Variants in BLOC1S1 observed in about 807,000 individuals in gnomAD.
BLOC1S1 encodes biogenesis of lysosome-related organelles complex 1 subunit 1.
BLOC1S1 carries 11 observed loss-of-function variants against 19.0 expected under a neutral mutation model. That is an observed-to-expected ratio of 0.58 (90% CI 0.37 to 0.96). BLOC1S1 has a LOEUF of 0.96. Ranked by LOEUF, BLOC1S1 falls within the 40% of genes least tolerant of loss-of-function variation. BLOC1S1 has a pLI of 0.01. For synonymous variants in BLOC1S1, 94 were observed against 76.4 expected, an observed-to-expected ratio of 1.23 and a Z score of -1.20; for missense variants, 220 against 195.9, an observed-to-expected ratio of 1.12 and a Z score of -0.73.
At chr12:55,718,853 T>C (rs1396536852) in intron 2 of BLOC1S1, among the ~76,000 whole-genome samples, 1 of 152,086 alleles carries the variant, frequency 6.6e-6, no homozygotes, top group Middle Eastern at 3.2e-3. Flanking sequence ...CTTTTTGGGG[T>C]TTGGAGCTGG....
Position 55,716,127 on chromosome 12 carries a change from G to T in BLOC1S1, c.76G>T (p.Asp26Tyr), listed in dbSNP as rs777462750. The T allele has an allele frequency of 2.5e-6, 4 of 1,610,426 alleles. No individual in the cohort carries two copies. Among genetic ancestry groups the T allele is most frequent in the Non-Finnish European group, 3.4e-6 (4 of 1,178,292 alleles). The part of the protein sequence containing the change: ...RGPGVPSPQP[D>Y]VTMLSRLLKE... ...GCCCGGCGTACCCAGCCCCCAGCCC[G>T]ACGTGACCATGCTGTCCCGCCTCCT... The change falls in exon 1 of 4, where the codon GAC becomes TAC. Residue 26 changes from aspartate to tyrosine, a missense_variant. Physicochemically the swap from Asp to Tyr is radical, Grantham distance 160. Coordinates refer to ENST00000548925, the MANE Select transcript of BLOC1S1 (RefSeq NM_001487.4).
At position 55,716,918 on chromosome 12, in the gene BLOC1S1, TC is replaced by T. The variant is rs748755690; in HGVS notation, c.146-10del. On this transcript the variant is annotated splice_polypyrimidine_tract_variant and intron_variant, in intron 1 of 3. Coordinates refer to ENST00000548925, the MANE Select transcript of BLOC1S1 (RefSeq NM_001487.4). ...ACCAAGTCTCCCCTCCAATTCCTTT[TC>T]CCCCTCTCCCCAGAAAAGAGGAGGC... 7 of 1,577,744 alleles carry T rather than the reference TC, an allele frequency of 4.4e-6. No homozygotes were observed. Among genetic ancestry groups the T allele is most frequent in the Non-Finnish European group, 3.4e-6 (4 of 1,165,742 alleles).
intron 1 of BLOC1S1, 194 bp from the exon 2 acceptor site, chr12:55,716,739 G>GTGGTCGCC: frequency 7.8e-7 from 1 of 1,284,414 alleles, no homozygotes; most frequent in South Asian, 2.0e-5. Flanking sequence ...TCCCTCCCAG[G>GTGGTCGCC]GTACCAGTTT....
intron 2 of BLOC1S1, 84 bp from the exon 3 acceptor site, chr12:55,719,007 C>T: frequency 2.0e-6 from 3 of 1,509,538 alleles, no homozygotes; most frequent in Non-Finnish European, 1.8e-6. Context: ...CTTGGCTGAA[C>T]TCCCACTGCT....
chr12:55,719,550 A>G lies in BLOC1S1; in HGVS notation c.403A>G (p.Thr135Ala). 2 of 1,614,026 alleles carry G rather than the reference A, an allele frequency of 1.2e-6. No individual in the cohort carries two copies. The highest frequency in any genetic ancestry group is 1.7e-6 in the Non-Finnish European group (2 of 1,180,002). The change falls in exon 4 of 4, where the codon ACC (threonine) becomes GCC (alanine). Residue 135 changes from threonine (T) to alanine (A), a missense_variant. Physicochemically the swap from Thr to Ala is moderately conservative, Grantham distance 58 (BLOSUM62 0). Transcript: ENST00000548925. ...TCGGAGCATCGAGCTGGACATGCGC[A>G]CCATTGCCACTGCACTGGAATATGT... Reference protein sequence around the residue: ...WARSIELDMRTIATALEYVYK... With the variant: ...WARSIELDMRAIATALEYVYK...
intron 1 of BLOC1S1, chr12:55,716,475 T>C: frequency 1.6e-6 from 2 of 1,269,010 alleles, no homozygotes; most frequent in Non-Finnish European, 2.0e-6. Flanking sequence ...CCCTGCCTAT[T>C]GGCCCTGGGA....
Position 55,719,530 on chromosome 12 carries a change from G to C in BLOC1S1, c.383G>C (p.Ser128Thr). Residue 128 changes from serine (S) to threonine (T), a missense_variant, in exon 4 of 4, where the codon AGC (serine) becomes ACC (threonine). Ser to Thr is a moderately conservative substitution (Grantham distance 58). Transcript: ENST00000548925. ...GGGGATGTGGAGAACTGGGCTCGGA[G>C]CATCGAGCTGGACATGCGCACCATT... is the stretch of plus-strand genomic sequence containing the variant. ...EIGDVENWAR[S>T]IELDMRTIAT... is the part of the protein sequence containing the mutation. 6.2e-7 allele frequency: 1 copy of C among 1,614,184 alleles called. No homozygotes were observed. The highest frequency in any genetic ancestry group is 8.5e-7 in the Non-Finnish European group (1 of 1,180,038).
intron 1 of BLOC1S1, chr12:55,716,557 C>T: frequency 4.1e-6 from 5 of 1,208,214 alleles, no homozygotes; most frequent in Non-Finnish European, 5.2e-6. Context: ...CAGAGATGGG[C>T]TTCTTGGAGG....
intron 1 of BLOC1S1, chr12:55,716,544 C>A: frequency 8.2e-7 from 1 of 1,220,914 alleles, no homozygotes; most frequent in Non-Finnish European, 1.0e-6. Context: ...GTGGGGAACC[C>A]CCCAGAGATG....
Position 55,717,014 on chromosome 12 carries a change from C to G in BLOC1S1, c.218+9C>G, listed in dbSNP as rs1470898259. On this transcript the variant is annotated intron_variant, in intron 2 of 3. Transcript: ENST00000548925. Reference sequence around the variant, plus strand: ...GATCACCTCAATGTGGGGTATGGACCTCTTATCAACATCAGTTTCCTCCTT... The same window carrying G: ...GATCACCTCAATGTGGGGTATGGACGTCTTATCAACATCAGTTTCCTCCTT... 6.4e-7 allele frequency: 1 copy of G among 1,568,314 alleles called. No individual in the cohort carries two copies. The highest frequency in any genetic ancestry group is 8.6e-7 in the Non-Finnish European group (1 of 1,160,532).
intron 1 of BLOC1S1, chr12:55,716,414 GC>G: frequency 1.4e-6 from 2 of 1,381,464 alleles, no homozygotes; most frequent in South Asian, 1.6e-5. Context: ...CCTCGGCAAC[GC>G]CCCCAATCCC....
chr12:55,719,527 G>A lies in BLOC1S1; in HGVS notation c.380G>A (p.Arg127Gln), dbSNP rs201381183. 20 of 1,614,156 alleles carry A rather than the reference G, an allele frequency of 1.2e-5. No individual in the cohort carries two copies. Among genetic ancestry groups the A allele is most frequent in the East Asian group, 8.9e-5 (4 of 44,874 alleles). Residue 127 changes from arginine (R) to glutamine (Q), a missense_variant, in exon 4 of 4, where the codon CGG (arginine) becomes CAG (glutamine). Coordinates refer to ENST00000548925, the MANE Select transcript of BLOC1S1 (RefSeq NM_001487.4). ...ATTGGGGATGTGGAGAACTGGGCTC[G>A]GAGCATCGAGCTGGACATGCGCACC... ...KEIGDVENWA[R>Q]SIELDMRTIA...
intron 1 of BLOC1S1, 144 bp downstream of exon 1, chr12:55,716,340 G>C: frequency 6.8e-7 from 1 of 1,476,468 alleles, no homozygotes; most frequent in African/African-American, 1.4e-5. Flanking sequence ...ATTTCAGAGA[G>C]GCTTTTTTTG....
Position 55,716,173 on chromosome 12 carries a change from A to C in BLOC1S1, c.122A>C (p.Gln41Pro), listed in dbSNP as rs767243561. The C allele has an allele frequency of 6.2e-7, 1 of 1,612,086 alleles. No individual in the cohort carries two copies. The highest frequency in any genetic ancestry group is 1.3e-5 in the African/African-American group (1 of 74,844). The change falls in exon 1 of 4, where the codon CAG (glutamine) becomes CCG (proline). Residue 41 changes from glutamine (Q) to proline (P), a missense_variant. Gln to Pro is a moderately conservative substitution (Grantham distance 76). Coordinates refer to ENST00000548925, the MANE Select transcript of BLOC1S1 (RefSeq NM_001487.4). Reference sequence around the variant, plus strand: ...CTCCTAAAAGAACACCAGGCCAAGCAGAATGAACGCAAGGAGCTGCAGGGT... The same window carrying C: ...CTCCTAAAAGAACACCAGGCCAAGCCGAATGAACGCAAGGAGCTGCAGGGT... ...SRLLKEHQAK[Q>P]NERKELQEKR...
intron 1 of BLOC1S1, chr12:55,716,685 T>C (rs1015105618): frequency 1.3e-5 from 17 of 1,307,152 alleles, no homozygotes; most frequent in Middle Eastern, 2.8e-4. Context: ...TCAGGAGTCC[T>C]GGGCGCTGCC....
rs1480962029 is a variant in BLOC1S1 at position 55,719,485 on chromosome 12, C to G, written c.352-14C>G. 1.2e-6 allele frequency: 2 copies of G among 1,612,364 alleles called. No homozygotes were observed. Among genetic ancestry groups the G allele is most frequent in the East Asian group, 2.2e-5 (1 of 44,874 alleles). On this transcript the variant is annotated splice_polypyrimidine_tract_variant and intron_variant, in intron 3 of 3. Transcript: ENST00000548925. ...TCTGATTCCTGGGCTCCCACCTCCT[C>G]TCCCCCTTCCCAGGAAATTGGGGAT...
chr12:55,718,646 C>T (rs1480469272), intron 2 of BLOC1S1, among the ~76,000 whole-genome samples: 6 of 152,120 alleles, frequency 3.9e-5, no homozygotes, highest in African/African-American at 1.4e-4. Context: ...TACTCCCATC[C>T]TAACCCGGCT....
intron 3 of BLOC1S1, 94 bp downstream of exon 3, chr12:55,719,317 G>A: frequency 6.3e-7 from 1 of 1,596,758 alleles, no homozygotes; most frequent in Non-Finnish European, 8.6e-7. Context: ...GGAGGAAGTA[G>A]GGTGGTCCCA....
At chr12:55,718,533 G>A (rs1413256593) in intron 2 of BLOC1S1, among the ~76,000 whole-genome samples, 1 of 151,332 alleles carries the variant, frequency 6.6e-6, no homozygotes, top group Non-Finnish European at 1.5e-5. Flanking sequence ...TGTGTTCCTT[G>A]ATCTGTGTGG....
Sources: allele counts gnomAD v4.1 joint callset (sites outside exome capture counted in the v4.1 genomes callset), GRCh38; gene constraint gnomAD v4.1.1; transcripts MANE v1.5; gene names NCBI Gene and HGNC (gene_info 2026-07-23, HGNC 2026-07-21).